Variants in RABEP1 observed in about 807,000 individuals in gnomAD.
The protein encoded by RABEP1 is rab GTPase-binding effector protein 1.
In RABEP1, 51 loss-of-function variants were observed where a neutral mutation model predicts 123.4. That is an observed-to-expected ratio of 0.41 (90% CI 0.33 to 0.52). The LOEUF (loss-of-function observed/expected upper bound fraction) is 0.52, where lower values mean the gene tolerates loss of function less well. Ranked by LOEUF, RABEP1 falls within the 20% of genes least tolerant of loss-of-function variation. RABEP1 has a pLI of 0.16. For missense variants in RABEP1, 888 were observed against 996.3 expected (o/e 0.89, Z 1.46); for synonymous variants, 347 against 355.2 (o/e 0.98, Z 0.26).
In RABEP1 at chr17:5,282,312, T is replaced by G; in HGVS notation, c.-175T>G. The G allele has an allele frequency of 4.6e-6, 2 of 431,736 alleles. No homozygotes were observed. Among genetic ancestry groups the G allele is most frequent in the Non-Finnish European group, 7.8e-6 (2 of 254,866 alleles). 26.7% of individuals were successfully genotyped at this position (431,736 alleles called of 1,614,324 possible). The stretch of plus-strand genomic sequence containing the variant: ...AGGATGAGGAGGCGGAGGTCGGCGG[T>G]CGGGTCCGTCTCTGCCCGCGGCTGT... On this transcript the variant is annotated 5_prime_UTR_variant, in exon 1 of 18. Coordinates refer to ENST00000537505, the MANE Select transcript of RABEP1 (RefSeq NM_004703.6).
chr17:5,299,254 C>T (rs2075110932), intron 1 of RABEP1, among the ~76,000 whole-genome samples: 1 of 152,004 alleles, frequency 6.6e-6, no homozygotes. Context: ...ACAAGATGTT[C>T]CAGGCTTATC....
intron 1 of RABEP1, among the ~76,000 whole-genome samples, chr17:5,297,604 T>G (rs926836428): frequency 6.6e-6 from 1 of 152,222 alleles, no homozygotes; most frequent in Non-Finnish European, 1.5e-5. Flanking sequence ...GTAACTGGGG[T>G]GATAATGCCT....
intron 1 of RABEP1, among the ~76,000 whole-genome samples, chr17:5,283,483 A>G (rs2074948570): frequency 6.6e-6 from 1 of 152,152 alleles, no homozygotes; most frequent in Non-Finnish European, 1.5e-5. Flanking sequence ...CCTAGAATAG[A>G]TGTTTGGAAA....
intron 1 of RABEP1, among the ~76,000 whole-genome samples, chr17:5,304,559 G>A (rs1006739724): frequency 4.6e-4 from 70 of 151,954 alleles, no homozygotes; most frequent in African/African-American, 1.6e-3. Flanking sequence ...TCCAGCCTGG[G>A]CAACAAAGCA....
At chr17:5,328,766 G>A (rs1258737963) in intron 2 of RABEP1, among the ~76,000 whole-genome samples, 1 of 148,888 alleles carries the variant, frequency 6.7e-6, no homozygotes, top group Non-Finnish European at 1.5e-5. Flanking sequence ...GCCAGGCCAA[G>A]ATGGTGAAAC....
Position 5,337,617 on chromosome 17 carries a change from T to A in RABEP1, c.529-402T>A, listed in dbSNP as rs1907218112. Among the ~76,000 whole-genome samples the A allele has an allele frequency of 5.3e-5, 8 of 152,188 alleles. No individual in the cohort carries two copies. In the South Asian group the frequency reaches 1.7e-3, roughly 32 times the overall value. On this transcript the variant is annotated intron_variant, in intron 4 of 17. Transcript: ENST00000537505. ...CTGAGGCAGGAGAATGGTGTGAACC[T>A]GGGAGGTGGAGCTTGCAGTGAGCGG...
intron 11 of RABEP1, among the ~76,000 whole-genome samples, chr17:5,365,572 GAAAA>G (rs992478468): frequency 6.8e-6 from 1 of 146,434 alleles, no homozygotes; most frequent in African/African-American, 2.5e-5. Context: ...CAACATGAAA[GAAAA>G]AAAAAACATA....
At position 5,336,935 on chromosome 17, in the gene RABEP1, C is replaced by G. The variant is rs1044511536; in HGVS notation, c.529-1084C>G. On this transcript the variant is annotated intron_variant, in intron 4 of 17. Coordinates refer to ENST00000537505, the MANE Select transcript of RABEP1 (RefSeq NM_004703.6). The stretch of plus-strand genomic sequence containing the variant: ...CGTTTGGGCATTTATGATATTTTTC[C>G]CTATCGTGCACAACTTAGTATAACT... Among the ~76,000 whole-genome samples the G allele has an allele frequency of 3.3e-5, 5 of 152,012 alleles. No individual in the cohort carries two copies. The East Asian group carries it at 5.8e-4, about 18-fold the overall frequency.
At chr17:5,367,223 T>G (rs1247608379) in intron 11 of RABEP1, among the ~76,000 whole-genome samples, 2 of 151,272 alleles carry the variant, frequency 1.3e-5, no homozygotes, top group Non-Finnish European at 2.9e-5. Context: ...CATTTATATC[T>G]AAAATTCCTC....
intron 15 of RABEP1, chr17:5,378,440 G>A: frequency 1.5e-6 from 1 of 646,828 alleles, no homozygotes. Flanking sequence ...AACTGGAGGA[G>A]GTAAGGCTAA....
chr17:5,324,718 C>T (rs1905799876), intron 2 of RABEP1, among the ~76,000 whole-genome samples: 2 of 152,096 alleles, frequency 1.3e-5, no homozygotes, highest in Non-Finnish European at 1.5e-5. Flanking sequence ...GTTAAAGAAG[C>T]AAATCTTATT....
intron 1 of RABEP1, among the ~76,000 whole-genome samples, chr17:5,289,881 C>T (rs1189153453): frequency 6.6e-6 from 1 of 152,168 alleles, no homozygotes; most frequent in African/African-American, 2.4e-5. Flanking sequence ...CTTTGTCACT[C>T]TGATATCCCA....
intron 2 of RABEP1, among the ~76,000 whole-genome samples, chr17:5,320,317 C>G (rs1489890025): frequency 6.7e-6 from 1 of 148,932 alleles, no homozygotes; most frequent in East Asian, 2.0e-4. Flanking sequence ...GAGATACATT[C>G]TTTCCCAGAC....
intron 2 of RABEP1, among the ~76,000 whole-genome samples, chr17:5,309,481 C>G (rs2075214149): frequency 6.6e-6 from 1 of 151,986 alleles, no homozygotes; most frequent in Admixed American, 6.6e-5. Flanking sequence ...TGGAGAAACC[C>G]TGTCTGTACT....
chr17:5,363,053 C>A, intron 10 of RABEP1, 37 bp downstream of exon 10: 1 of 1,490,062 alleles, frequency 6.7e-7, no homozygotes, highest in Non-Finnish European at 9.4e-7. Context: ...TGGATATTGT[C>A]GTTTTCATTG....
chr17:5,338,817 A>G (rs1283756566), intron 5 of RABEP1, among the ~76,000 whole-genome samples: 1 of 152,140 alleles, frequency 6.6e-6, no homozygotes, highest in Non-Finnish European at 1.5e-5. Context: ...TAATGTAGCT[A>G]TAGTATTGCT....
intron 6 of RABEP1, among the ~76,000 whole-genome samples, chr17:5,348,079 G>A (rs1908223338): frequency 6.6e-6 from 1 of 152,104 alleles, no homozygotes; most frequent in South Asian, 2.1e-4. Flanking sequence ...CTGGGTTCAA[G>A]TGATTCTCCT....
chr17:5,283,211 A>G (rs971605581), intron 1 of RABEP1, among the ~76,000 whole-genome samples: 6 of 152,140 alleles, frequency 3.9e-5, no homozygotes, highest in African/African-American at 1.4e-4. Flanking sequence ...TGTATATACA[A>G]TAATAGTATT....
chr17:5,319,515 C>T (rs776963005), intron 2 of RABEP1, among the ~76,000 whole-genome samples: 53 of 151,642 alleles, frequency 3.5e-4, no homozygotes, highest in Admixed American at 7.2e-4. Flanking sequence ...TACAGGCGCC[C>T]GCCACCACAC....
Sources: allele counts gnomAD v4.1 joint callset (sites outside exome capture counted in the v4.1 genomes callset), GRCh38; gene constraint gnomAD v4.1.1; transcripts MANE v1.5; gene names NCBI Gene and HGNC (gene_info 2026-07-23, HGNC 2026-07-21).